ERICH3: variants seen among roughly 807,000 people sequenced by gnomAD.
The protein encoded by ERICH3 is glutamate-rich protein 3.
A neutral mutation model predicts 131.1 loss-of-function variants in ERICH3; 126 were observed. The observed-to-expected ratio is 0.96, with a 90% CI of 0.83 to 1.11. The LOEUF (loss-of-function observed/expected upper bound fraction) is 1.11, where lower values mean the gene tolerates loss of function less well. Among genes scored for constraint, ERICH3 ranks in the 50% most tolerant of loss-of-function variants. The pLI is 0.00. For missense variants in ERICH3, 2,050 were observed against 1,810.7 expected (o/e 1.13, Z -2.40); for synonymous variants, 695 against 644.6 (o/e 1.08, Z -1.18).
chr1:74,653,625 C>T lies in ERICH3; in HGVS notation c.24-4310G>A, dbSNP rs78875767. Among the ~76,000 whole-genome samples, 376 of 152,176 alleles carry T rather than the reference C, an allele frequency of 2.5e-3. 1 individual carries two copies. Among genetic ancestry groups the T allele is most frequent in the African/African-American group, 8.7e-3 (363 of 41,542 alleles). ...TAGTCTCATCTAGTTGTTTTAGACC[C>T]ATGTAATATGAACAATATCTAACTA... is the stretch of plus-strand genomic sequence containing the variant. On this transcript the variant is annotated intron_variant, in intron 1 of 14. Transcript: ENST00000326665.
chr1:74,671,494 G>A (rs1293031869), intron 1 of ERICH3, among the ~76,000 whole-genome samples: 1 of 152,156 alleles, frequency 6.6e-6, no homozygotes, highest in African/African-American at 2.4e-5. Context: ...CACCCTGGTG[G>A]CCCAGCTGTA....
At position 74,589,681 on chromosome 1, in the gene ERICH3, G is replaced by C. The variant is rs267598718; in HGVS notation, c.2126C>G (p.Thr709Ser). 6.2e-7 allele frequency: 1 copy of C among 1,613,940 alleles called. No homozygotes were observed. Among genetic ancestry groups the C allele is most frequent in the Non-Finnish European group, 8.5e-7 (1 of 1,179,974 alleles). Residue 709 changes from threonine (T) to serine (S), a missense_variant, in exon 12 of 15, where the codon ACT (threonine) becomes AGT (serine). Transcript: ENST00000326665. ...KDKSKLWEESTAQVKDKKAGL... is the reference protein window; with the variant it reads ...KDKSKLWEESSAQVKDKKAGL... Reference sequence around the variant, plus strand: ...TGCCTTTTTGTCCTTCACCTGAGCAGTGCTTTCTTCCCAAAGCTTACTCTT... The same window carrying C: ...TGCCTTTTTGTCCTTCACCTGAGCACTGCTTTCTTCCCAAAGCTTACTCTT...
At chr1:74,612,524 A>C in intron 9 of ERICH3, 99 bp downstream of exon 9, 1 of 1,115,890 alleles carries the variant, frequency 9.0e-7, no homozygotes. Context: ...ATCTATACTG[A>C]ATTTCCTTAA....
rs1008416801 is a variant in ERICH3, at chr1:74,569,525, T to C, written c.*933A>G. The C allele has an allele frequency of 6.6e-6, 1 of 152,192 alleles. No homozygotes were observed. The highest frequency in any genetic ancestry group is 1.5e-5 in the Non-Finnish European group (1 of 68,024). The allele number at this position is 152,192 out of a possible 1,614,324, so 9.4% of individuals were successfully genotyped here. A position where few individuals can be genotyped will look rare whatever the true frequency, so the allele number is the denominator to read the frequency against. ...GCAAGGTTAGTTCACAGGTTTGAAATAACAGAACTTGGGAAGGTGAGCAGC... is the reference window on the plus strand; with the variant it reads ...GCAAGGTTAGTTCACAGGTTTGAAACAACAGAACTTGGGAAGGTGAGCAGC... On this transcript the variant is annotated 3_prime_UTR_variant, in exon 15 of 15. Transcript: ENST00000326665.
At chr1:74,614,733 T>C (rs957440435) in intron 8 of ERICH3, among the ~76,000 whole-genome samples, 2 of 151,686 alleles carry the variant, frequency 1.3e-5, no homozygotes, top group African/African-American at 4.8e-5. Context: ...ACAGACTTAT[T>C]AAAAAGGTAA....
intron 12 of ERICH3, among the ~76,000 whole-genome samples, chr1:74,588,664 A>C (rs1647446897): frequency 6.6e-6 from 1 of 152,102 alleles, no homozygotes; most frequent in Non-Finnish European, 1.5e-5. Flanking sequence ...GAGCAACCAA[A>C]GGACTGTGAA....
At chr1:74,612,515 T>A in intron 9 of ERICH3, 108 bp downstream of exon 9, 1 of 976,308 alleles carries the variant, frequency 1.0e-6, no homozygotes, top group Non-Finnish European at 1.4e-6. Context: ...TGTAGGCCCA[T>A]CTATACTGAA....
chr1:74,591,866 ATTTT>A (rs967538636), intron 11 of ERICH3: 1 of 151,950 alleles, frequency 6.6e-6, no homozygotes, highest in Non-Finnish European at 1.5e-5. Flanking sequence ...AATGCTGCCT[ATTTT>A]TTTGTTTTCT....
chr1:74,627,081 C>A (rs767169626), intron 7 of ERICH3, among the ~76,000 whole-genome samples: 1 of 152,040 alleles, frequency 6.6e-6, no homozygotes, highest in African/African-American at 2.4e-5. Flanking sequence ...TGAATCTTTT[C>A]TATATCTAAA....
intron 8 of ERICH3, among the ~76,000 whole-genome samples, chr1:74,615,529 A>G (rs2100602381): frequency 6.6e-6 from 1 of 152,346 alleles, no homozygotes; most frequent in Admixed American, 6.5e-5. Flanking sequence ...AAAGATAAAC[A>G]AAAATACTGA....
chr1:74,640,040 G>T (rs756005670), intron 5 of ERICH3, among the ~76,000 whole-genome samples: 1 of 152,114 alleles, frequency 6.6e-6, no homozygotes, highest in Non-Finnish European at 1.5e-5. Flanking sequence ...CAGAGAGAAA[G>T]GTTTTTGAAG....
Position 74,571,381 on chromosome 1 carries a change from C to A in ERICH3, c.4329G>T (p.Gly1443=), listed in dbSNP as rs2100498016. The stretch of plus-strand genomic sequence containing the variant: ...ACCCTTCCTCTTGCTCCTGTCCTAG[C>A]CCTGAGGTCTTCCGCTCCAGGGCTC... ...TPGALERKTS[G]LGQEQEEGSE... is the part of the protein sequence containing the mutation. The change falls in exon 14 of 15, where the codon GGG becomes GGT. Residue 1443 remains glycine, a synonymous_variant. Coordinates refer to ENST00000326665, the MANE Select transcript of ERICH3 (RefSeq NM_001002912.5). 1 of 1,614,032 alleles carries A rather than the reference C, an allele frequency of 6.2e-7. No homozygotes were observed. The highest frequency in any genetic ancestry group is 1.1e-5 in the South Asian group (1 of 91,082).
intron 6 of ERICH3, among the ~76,000 whole-genome samples, chr1:74,635,690 A>G (rs1055129367): frequency 4.6e-5 from 7 of 152,168 alleles, no homozygotes; most frequent in African/African-American, 1.4e-4. Context: ...CATGGTTACC[A>G]TACCTCCTTC....
intron 5 of ERICH3, among the ~76,000 whole-genome samples, 166 bp downstream of exon 5, chr1:74,641,165 A>T (rs1646434233): frequency 6.6e-6 from 1 of 152,150 alleles, no homozygotes; most frequent in Non-Finnish European, 1.5e-5. Flanking sequence ...ACTAGAAGTG[A>T]GATATTCAGA....
chr1:74,615,834 G>A (rs1170365479), intron 8 of ERICH3, among the ~76,000 whole-genome samples: 4 of 152,132 alleles, frequency 2.6e-5, no homozygotes, highest in Non-Finnish European at 5.9e-5. Flanking sequence ...ATAACCAGCC[G>A]CTTTGCTGTC....
At chr1:74,644,326 C>A (rs184276146) in intron 3 of ERICH3, among the ~76,000 whole-genome samples, 15 of 152,158 alleles carry the variant, frequency 9.9e-5, no homozygotes, top group Non-Finnish European at 1.8e-4. Flanking sequence ...CTGTAGTCAT[C>A]CACATCTACT....
chr1:74,629,367 A>G (rs1463461793), intron 7 of ERICH3, among the ~76,000 whole-genome samples: 1 of 152,020 alleles, frequency 6.6e-6, no homozygotes, highest in East Asian at 1.9e-4. Context: ...AGAGAGAAAA[A>G]GGTTTTTTTT....
chr1:74,651,972 G>T (rs559324647), intron 1 of ERICH3, among the ~76,000 whole-genome samples: 3 of 152,072 alleles, frequency 2.0e-5, no homozygotes, highest in African/African-American at 7.2e-5. Context: ...CTTACAAATC[G>T]TCAAGCAGGT....
intron 10 of ERICH3, among the ~76,000 whole-genome samples, chr1:74,603,361 T>A (rs1438543813): frequency 1.3e-5 from 2 of 151,908 alleles, no homozygotes; most frequent in Non-Finnish European, 2.9e-5. Flanking sequence ...TTTGTGTATC[T>A]AAGCCTCAAT....
Sources: gnomAD v4.1 joint callset for allele counts (sites outside exome capture counted in the v4.1 genomes callset) on GRCh38, gnomAD v4.1.1 for gene constraint, MANE v1.5 for transcripts, NCBI Gene and HGNC (gene_info 2026-07-23, HGNC 2026-07-21) for gene names.